OR2C1: variants seen among roughly 807,000 people sequenced by gnomAD.
OR2C1 encodes olfactory receptor family 2 subfamily C member 1, also known as olfactory receptor 2C1.
For synonymous variants in OR2C1, 209 were observed against 167.3 expected (o/e 1.25, Z -1.92); for missense variants, 468 against 388.3 (o/e 1.21, Z -1.73).
At chr16:3,341,268 A>G in the OR2C1 span, among the ~76,000 whole-genome samples, 649 of 152,132 alleles carry the variant, frequency 4.3e-3, 7 homozygotes, top group African/African-American at 0.014. Flanking sequence ...GATATATTGA[A>G]ACACAACTAA....
chr16:3,351,776 A>G (rs1486000043), upstream of OR2C1, among the ~76,000 whole-genome samples: 2 of 152,140 alleles, frequency 1.3e-5, no homozygotes, highest in South Asian at 2.1e-4. Flanking sequence ...GCTTGCAGAG[A>G]TGTAACCTTG....
At chr16:3,341,946 T>TTTA in the OR2C1 span, among the ~76,000 whole-genome samples, 1 of 152,246 alleles carries the variant, frequency 6.6e-6, no homozygotes, top group African/African-American at 2.4e-5. Flanking sequence ...CACTTGGGCA[T>TTTA]TTATCCTAGA....
the OR2C1 span, among the ~76,000 whole-genome samples, chr16:3,344,207 G>C: frequency 3.3e-5 from 5 of 152,002 alleles, no homozygotes; most frequent in African/African-American, 9.7e-5. Context: ...GGTGACAAGA[G>C]TGAGACTCCA....
chr16:3,334,841 A>G, the OR2C1 span, among the ~76,000 whole-genome samples: 9 of 150,890 alleles, frequency 6.0e-5, no homozygotes, highest in Non-Finnish European at 1.2e-4. Flanking sequence ...TTTTTAAGAC[A>G]GAGTCTCACT....
the OR2C1 span, among the ~76,000 whole-genome samples, chr16:3,326,216 A>C: frequency 6.6e-6 from 1 of 152,054 alleles, no homozygotes; most frequent in African/African-American, 2.4e-5. Flanking sequence ...GGCGTGAGCC[A>C]CCGTGCCTGG....
downstream of OR2C1, among the ~76,000 whole-genome samples, chr16:3,357,500 T>G (rs1382040957): frequency 6.6e-6 from 1 of 152,170 alleles, no homozygotes; most frequent in African/African-American, 2.4e-5. Flanking sequence ...TCTGAGTAGC[T>G]GGGACTATAG....
the OR2C1 span, among the ~76,000 whole-genome samples, chr16:3,337,492 C>T: frequency 6.6e-6 from 1 of 152,006 alleles, no homozygotes; most frequent in African/African-American, 2.4e-5. Context: ...TTAAAATAGC[C>T]TGTCTCTCCT....
chr16:3,336,700 C>CT, the OR2C1 span, among the ~76,000 whole-genome samples: 1 of 95,210 alleles, frequency 1.1e-5, no homozygotes, highest in Middle Eastern at 6.8e-3. Flanking sequence ...ATTTTCTTTT[C>CT]TTTCTTTCTT....
chr16:3,347,016 G>A, the OR2C1 span, among the ~76,000 whole-genome samples: 1 of 150,360 alleles, frequency 6.7e-6, no homozygotes, highest in Non-Finnish European at 1.5e-5. Context: ...AGGCTGAGGT[G>A]GGCAGATCAT....
chr16:3,346,794 T>A, the OR2C1 span, among the ~76,000 whole-genome samples: 45 of 151,266 alleles, frequency 3.0e-4, no homozygotes, highest in African/African-American at 9.7e-4. Context: ...CACGCTCGAC[T>A]AATTTTTGTA....
Position 3,356,236 on chromosome 16 carries a change from C to G in OR2C1, c.296C>G (p.Thr99Ser). Residue 99 changes from threonine (T) to serine (S), a missense_variant, in exon 1 of 1, where the codon ACC becomes AGC. Thr to Ser is a moderately conservative substitution (Grantham distance 58, BLOSUM62 1). Transcript: ENST00000304936. ...GKTISYGGCI[T>S]QLYVFLWLGA... Reference sequence around the variant, plus strand: ...ACCATCAGCTATGGTGGCTGCATAACCCAGCTCTATGTCTTCCTTTGGCTG... The same window carrying G: ...ACCATCAGCTATGGTGGCTGCATAAGCCAGCTCTATGTCTTCCTTTGGCTG... 1 of 1,614,158 alleles carries G rather than the reference C, an allele frequency of 6.2e-7. No individual in the cohort carries two copies. The highest frequency in any genetic ancestry group is 8.5e-7 in the Non-Finnish European group (1 of 1,180,052).
chr16:3,355,872 C>T, upstream of OR2C1: 1 of 1,166,442 alleles, frequency 8.6e-7, no homozygotes, highest in Non-Finnish European at 1.2e-6. Flanking sequence ...CATCCAACAG[C>T]TTTTTCTTGA....
the OR2C1 span, among the ~76,000 whole-genome samples, chr16:3,325,756 GT>G: frequency 6.6e-6 from 1 of 151,348 alleles, no homozygotes; most frequent in Non-Finnish European, 1.5e-5. Context: ...ATATTAAGAT[GT>G]TTTTCACTAT....
At chr16:3,341,566 A>G in the OR2C1 span, among the ~76,000 whole-genome samples, 1 of 152,156 alleles carries the variant, frequency 6.6e-6, no homozygotes, top group East Asian at 1.9e-4. Flanking sequence ...TAAATTGAAG[A>G]TTTTCACAAC....
chr16:3,323,958 T>A, the OR2C1 span: 3 of 654,634 alleles, frequency 4.6e-6, no homozygotes, highest in South Asian at 6.3e-5. Flanking sequence ...ATCCTTACTG[T>A]TGAATTTTTA....
the OR2C1 span, chr16:3,323,962 A>C: frequency 1.6e-6 from 1 of 632,794 alleles, no homozygotes; most frequent in Admixed American, 3.2e-5. Flanking sequence ...TTACTGTTGA[A>C]TTTTTAAAAC....
At position 3,356,374 on chromosome 16, in the gene OR2C1, C is replaced by A. The variant is rs1424274925; in HGVS notation, c.434C>A (p.Ala145Asp). The A allele has an allele frequency of 6.2e-7, 1 of 1,613,748 alleles. No homozygotes were observed. Among genetic ancestry groups the A allele is most frequent in the Non-Finnish European group, 8.5e-7 (1 of 1,180,034 alleles). The change falls in exon 1 of 1, where the codon GCT becomes GAT. Residue 145 changes from alanine to aspartate, a missense_variant. By Grantham distance (126) the Ala-to-Asp change is moderately radical. Transcript: ENST00000304936. The part of the protein sequence containing the change: ...IMNPQLCWLL[A>D]VIACLGGLGN... ...AACCCCCAGCTCTGCTGGCTGCTGGCTGTGATTGCCTGCCTGGGTGGCTTG... is the reference window on the plus strand; with the variant it reads ...AACCCCCAGCTCTGCTGGCTGCTGGATGTGATTGCCTGCCTGGGTGGCTTG...
At chr16:3,351,787 A>G (rs974533443), upstream of OR2C1, among the ~76,000 whole-genome samples, 2 of 152,046 alleles carry the variant, frequency 1.3e-5, no homozygotes, top group African/African-American at 2.4e-5. Flanking sequence ...TGTAACCTTG[A>G]GAGCTACTCC....
chr16:3,356,626 G>T lies in OR2C1; in HGVS notation c.686G>T (p.Arg229Leu), dbSNP rs11648783. The T allele has an allele frequency of 1.9e-6, 3 of 1,613,842 alleles. No individual in the cohort carries two copies. Among genetic ancestry groups the T allele is most frequent in the South Asian group, 2.2e-5 (2 of 91,080 alleles). ...ATTGCTCAGGCAGTGCTGAAAATCC[G>T]CTCTGCAGAGGGGAGGCGAAAGGCG... is the stretch of plus-strand genomic sequence containing the variant. ...CLIAQAVLKI[R>L]SAEGRRKAFN... The change falls in exon 1 of 1, where the codon CGC becomes CTC. Residue 229 changes from arginine to leucine, a missense_variant. Coordinates refer to ENST00000304936, the MANE Select transcript of OR2C1 (RefSeq NM_012368.3).
Sources: allele counts gnomAD v4.1 joint callset (sites outside exome capture counted in the v4.1 genomes callset), GRCh38; gene constraint gnomAD v4.1.1; transcripts MANE v1.5; gene names NCBI Gene and HGNC (gene_info 2026-07-23, HGNC 2026-07-21).